Variants in TRPM3 observed in about 807,000 individuals in gnomAD.
TRPM3 encodes long transient receptor potential channel 3.
Under a neutral mutation model 181.2 loss-of-function variants are expected in TRPM3, and 77 were observed. The observed-to-expected ratio is 0.42, with a 90% CI of 0.35 to 0.51. The LOEUF is 0.51. Among genes scored for constraint, TRPM3 ranks in the 20% least tolerant of loss-of-function variants. The pLI is 0.01. For missense variants in TRPM3, 1,759 were observed against 2,196.7 expected, an observed-to-expected ratio of 0.80 and a Z score of 3.98; for synonymous variants, 745 against 796.4, an observed-to-expected ratio of 0.94 and a Z score of 1.09.
chr9:70,530,453 CAT>C lies in TRPM3; in HGVS notation c.*5498_*5499del, dbSNP rs1305589527. The C allele has an allele frequency of 6.6e-6, 1 of 152,252 alleles. No individual in the cohort carries two copies. Among genetic ancestry groups the C allele is most frequent in the African/African-American group, 2.4e-5 (1 of 41,462 alleles). 9.4% of individuals were successfully genotyped at this position (152,252 alleles called of 1,614,324 possible). ...AAGCCTATGGACTTCTAGCCATACA[CAT>C]GTCTTTTCAGTTTCCAGCACACAAA... is the stretch of plus-strand genomic sequence containing the variant. On this transcript the variant is annotated 3_prime_UTR_variant, in exon 26 of 26. Transcript: ENST00000677713.
intron 22 of TRPM3, among the ~76,000 whole-genome samples, chr9:70,586,521 G>A (rs2057157709): frequency 6.6e-6 from 1 of 152,190 alleles, no homozygotes; most frequent in Admixed American, 6.5e-5. Context: ...TGAGGATGGT[G>A]CCTCATATTG....
At chr9:70,895,477 GAATTGTCTAAT>G (rs2132921542) in intron 1 of TRPM3, among the ~76,000 whole-genome samples, 1 of 152,142 alleles carries the variant, frequency 6.6e-6, no homozygotes, top group African/African-American at 2.4e-5. Context: ...ATTTTGATTA[GAATTGTCTAAT>G]ACAATGAACC....
intron 1 of TRPM3, among the ~76,000 whole-genome samples, chr9:71,157,921 TA>T (rs2076086867): frequency 6.6e-6 from 1 of 152,068 alleles, no homozygotes; most frequent in African/African-American, 2.4e-5. Context: ...ATGCAAAGAT[TA>T]AGAGGACAGA....
chr9:71,094,497 G>T (rs2066774233), intron 1 of TRPM3, among the ~76,000 whole-genome samples: 2 of 152,078 alleles, frequency 1.3e-5, no homozygotes, highest in South Asian at 4.1e-4. Flanking sequence ...TCTATATGTT[G>T]TGTTCTGTTT....
rs1398575769 is a variant in TRPM3, at chr9:70,531,748, A to G, written c.*4205T>C. 6.6e-6 allele frequency: 1 copy of G among 152,208 alleles called. No individual in the cohort carries two copies. The highest frequency in any genetic ancestry group is 2.4e-5 in the African/African-American group (1 of 41,464). 9.4% of individuals were successfully genotyped at this position (152,208 alleles called of 1,614,324 possible). The stretch of plus-strand genomic sequence containing the variant: ...AAATATCATTTTAAGTTCATTTGTC[A>G]TATAGTCTTTTGCATAACATGCCAG... On this transcript the variant is annotated 3_prime_UTR_variant, in exon 26 of 26. Transcript: ENST00000677713.
chr9:70,752,583 A>G lies in TRPM3; in HGVS notation c.1272+9018T>C, dbSNP rs532582846. Among the ~76,000 whole-genome samples, 90 of 152,018 alleles carry G rather than the reference A, an allele frequency of 5.9e-4. 2 individuals are homozygous for G. The highest frequency in any genetic ancestry group is 2.8e-4 in the Non-Finnish European group (19 of 68,030). Reference sequence around the variant, plus strand: ...GTCATAGGCTGCATAATGACGTTTCAGTCAATGATGTATTGTGTATGTGAC... The same window carrying G: ...GTCATAGGCTGCATAATGACGTTTCGGTCAATGATGTATTGTGTATGTGAC... On this transcript the variant is annotated intron_variant, in intron 8 of 25. Coordinates refer to ENST00000677713, the MANE Select transcript of TRPM3 (RefSeq NM_001366145.2).
intron 1 of TRPM3, among the ~76,000 whole-genome samples, chr9:71,287,259 G>C (rs2085379634): frequency 1.3e-5 from 2 of 151,364 alleles, no homozygotes; most frequent in African/African-American, 4.8e-5. Flanking sequence ...AACAATACCT[G>C]TATGTATTGT....
intron 1 of TRPM3, among the ~76,000 whole-genome samples, chr9:71,365,159 A>G (rs1234657243): frequency 6.6e-6 from 1 of 152,152 alleles, no homozygotes. Context: ...TTCCTCCACC[A>G]TTCTGTGACC....
chr9:70,664,641 G>GTTTTTTTTTTTTTTTTTT (rs71367210), intron 9 of TRPM3, among the ~76,000 whole-genome samples: 1 of 100,220 alleles, frequency 1.0e-5, no homozygotes, highest in African/African-American at 3.6e-5. Flanking sequence ...TAGGAGAGTA[G>GTTTTTTTTTTTTTTTTTT]TTTTTTTTTT....
intron 1 of TRPM3, among the ~76,000 whole-genome samples, chr9:71,199,998 T>C (rs1470214776): frequency 2.6e-5 from 4 of 152,232 alleles, no homozygotes; most frequent in African/African-American, 9.6e-5. Flanking sequence ...CTGCTTTCTA[T>C]TGTGCACATT....
intron 1 of TRPM3, chr9:70,869,186 T>C (rs1395685866): frequency 2.9e-6 from 1 of 342,864 alleles, no homozygotes; most frequent in Non-Finnish European, 4.1e-6. Flanking sequence ...CCCCTTGGAA[T>C]GTGCTGCTTC....
intron 1 of TRPM3, among the ~76,000 whole-genome samples, chr9:71,436,124 A>G (rs1261108727): frequency 6.6e-6 from 1 of 151,860 alleles, no homozygotes; most frequent in Non-Finnish European, 1.5e-5. Flanking sequence ...ACAAAATCTG[A>G]TGGGTTTATC....
chr9:71,067,108 C>T (rs535210078), intron 1 of TRPM3, among the ~76,000 whole-genome samples: 1 of 152,162 alleles, frequency 6.6e-6, no homozygotes, highest in Non-Finnish European at 1.5e-5. Flanking sequence ...CAAGAATATA[C>T]CCCCACAGGC....
chr9:70,989,232 A>G (rs1209312914), intron 1 of TRPM3, among the ~76,000 whole-genome samples: 2 of 152,220 alleles, frequency 1.3e-5, no homozygotes, highest in Non-Finnish European at 1.5e-5. Flanking sequence ...TTTTTCACAA[A>G]CACCTAAGCT....
chr9:70,823,093 GC>G (rs1476657168), intron 6 of TRPM3, among the ~76,000 whole-genome samples: 1 of 152,000 alleles, frequency 6.6e-6, no homozygotes, highest in Non-Finnish European at 1.5e-5. Flanking sequence ...CTAGGCTGCT[GC>G]CCATGAGCCT....
chr9:70,694,982 C>T lies in TRPM3; in HGVS notation c.1273-13404G>A, dbSNP rs141937816. ...GTCACGTGACAACCCTCCCCCTATT[C>T]GGGAAAACCCGTTATTCCTAGGCTG... is the stretch of plus-strand genomic sequence containing the variant. On this transcript the variant is annotated intron_variant, in intron 8 of 25. Coordinates refer to ENST00000677713, the MANE Select transcript of TRPM3 (RefSeq NM_001366145.2). Among the ~76,000 whole-genome samples, 14 of 152,314 alleles carry T rather than the reference C, an allele frequency of 9.2e-5. No individual in the cohort carries two copies. The East Asian group carries it at 2.7e-3, about 29-fold the overall frequency.
intron 1 of TRPM3, among the ~76,000 whole-genome samples, chr9:71,072,814 G>A (rs2062950326): frequency 6.6e-6 from 1 of 152,134 alleles, no homozygotes; most frequent in Non-Finnish European, 1.5e-5. Context: ...AATGCTGAGG[G>A]CAGTCACAAC....
At chr9:71,336,363 C>T (rs10123311) in intron 1 of TRPM3, among the ~76,000 whole-genome samples, 2,097 of 152,026 alleles carry the variant, frequency 0.014, 55 homozygotes, top group African/African-American at 0.046. Flanking sequence ...TTGCTACAAA[C>T]AGAATAAAAT....
intron 1 of TRPM3, among the ~76,000 whole-genome samples, chr9:71,149,645 T>G (rs1003967652): frequency 6.6e-6 from 1 of 151,990 alleles, no homozygotes; most frequent in Non-Finnish European, 1.5e-5. Context: ...AATACCAAGT[T>G]TAAGAGAAAA....
Sources: allele counts gnomAD v4.1 joint callset (sites outside exome capture counted in the v4.1 genomes callset), GRCh38; gene constraint gnomAD v4.1.1; transcripts MANE v1.5; gene names NCBI Gene and HGNC (gene_info 2026-07-23, HGNC 2026-07-21).